PPM1H: variants seen among roughly 807,000 people sequenced by gnomAD.
PPM1H encodes the protein protein phosphatase 1H.
A neutral mutation model predicts 54.9 loss-of-function variants in PPM1H; 27 were observed. The observed-to-expected ratio is 0.49, with a 90% CI of 0.36 to 0.68. PPM1H has a LOEUF of 0.68. PPM1H is among the 30% of genes least tolerant of loss of function. The probability of loss-of-function intolerance (pLI) is 0.00; values close to 1 mark genes in which losing one functional copy is unlikely to be tolerated. For missense variants in PPM1H, 596 were observed against 667.8 expected (o/e 0.89, Z 1.19); for synonymous variants, 305 against 270.8 (o/e 1.13, Z -1.24).
intron 1 of PPM1H, among the ~76,000 whole-genome samples, chr12:62,906,167 T>G (rs763047869): frequency 6.6e-6 from 1 of 152,218 alleles, no homozygotes; most frequent in African/African-American, 2.4e-5. Context: ...ATAAAGTTTC[T>G]GTAATTGTGG....
At position 62,759,884 on chromosome 12, in the gene PPM1H, G is replaced by C. The variant is rs2076497714; in HGVS notation, c.870-22298C>G. On this transcript the variant is annotated intron_variant, in intron 4 of 9. Transcript: ENST00000228705. ...CCCACCCTGTTTCCACTTTCCTGGG[G>C]GGCAAGCACCTCTCACCCCTTCTTC... Among the ~76,000 whole-genome samples the C allele has an allele frequency of 4.0e-5, 6 of 151,326 alleles. No individual in the cohort carries two copies. The South Asian group carries it at 1.0e-3, about 26-fold the overall frequency.
chr12:62,930,856 G>C (rs891495306), intron 1 of PPM1H, among the ~76,000 whole-genome samples: 1 of 152,044 alleles, frequency 6.6e-6, no homozygotes, highest in African/African-American at 2.4e-5. Context: ...ATGCTTTACA[G>C]AGCTTTACAA....
chr12:62,780,633 G>A (rs938382747), intron 4 of PPM1H, among the ~76,000 whole-genome samples: 10 of 152,168 alleles, frequency 6.6e-5, no homozygotes, highest in Admixed American at 6.5e-4. Context: ...CTTTTCAACA[G>A]GTGTGATACT....
chr12:62,859,376 A>G (rs1869515160), intron 1 of PPM1H, among the ~76,000 whole-genome samples: 2 of 152,234 alleles, frequency 1.3e-5, no homozygotes, highest in Non-Finnish European at 2.9e-5. Flanking sequence ...CCACAGGTAA[A>G]GCAAGATGCC....
At chr12:62,685,306 G>T (rs2076045357) in intron 8 of PPM1H, among the ~76,000 whole-genome samples, 2 of 152,026 alleles carry the variant, frequency 1.3e-5, no homozygotes, top group Non-Finnish European at 2.9e-5. Context: ...TGGCCCCCAA[G>T]GTCCCAAGAC....
At chr12:62,826,572 TA>T (rs1197473934) in intron 2 of PPM1H, among the ~76,000 whole-genome samples, 19 of 152,198 alleles carry the variant, frequency 1.2e-4, no homozygotes, top group African/African-American at 4.6e-4. Context: ...TTCTAACAAA[TA>T]AAAAATTCCT....
chr12:62,653,059 GCTTA>G (rs2075824411), intron 9 of PPM1H, among the ~76,000 whole-genome samples: 1 of 152,122 alleles, frequency 6.6e-6, no homozygotes, highest in South Asian at 2.1e-4. Flanking sequence ...ACATTATTCT[GCTTA>G]CTTCTGACTT....
chr12:62,767,363 C>A (rs337522), intron 4 of PPM1H, among the ~76,000 whole-genome samples: 1 of 152,300 alleles, frequency 6.6e-6, no homozygotes, highest in East Asian at 1.9e-4. Flanking sequence ...TCCTAGAGGC[C>A]GAGCAGAGAG....
chr12:62,820,482 C>G (rs1486252876), intron 2 of PPM1H, among the ~76,000 whole-genome samples: 2 of 152,204 alleles, frequency 1.3e-5, no homozygotes, highest in Non-Finnish European at 2.9e-5. Flanking sequence ...AACTGGGAGG[C>G]ACCTCCCATT....
intron 1 of PPM1H, among the ~76,000 whole-genome samples, chr12:62,879,764 T>C (rs1319873746): frequency 2.0e-5 from 3 of 151,830 alleles, no homozygotes; most frequent in Non-Finnish European, 4.4e-5. Flanking sequence ...AGTATAATAA[T>C]AATAATAAAA....
intron 4 of PPM1H, among the ~76,000 whole-genome samples, chr12:62,785,981 G>A (rs923146538): frequency 1.3e-5 from 2 of 152,182 alleles, no homozygotes; most frequent in Non-Finnish European, 2.9e-5. Context: ...GTCATCTGGT[G>A]AAAGGCACTT....
intron 2 of PPM1H, among the ~76,000 whole-genome samples, chr12:62,831,815 GTA>G (rs964978239): frequency 2.1e-4 from 32 of 149,280 alleles, no homozygotes; most frequent in East Asian, 1.4e-3. Flanking sequence ...ATATATATGT[GTA>G]TATATATATA....
chr12:62,855,019 T>C (rs1026616496), intron 1 of PPM1H, among the ~76,000 whole-genome samples: 1 of 152,108 alleles, frequency 6.6e-6, no homozygotes, highest in Non-Finnish European at 1.5e-5. Flanking sequence ...AACCAGCCAC[T>C]TTCCAGAGTC....
chr12:62,675,029 C>T (rs943646401), intron 8 of PPM1H, among the ~76,000 whole-genome samples: 30 of 152,328 alleles, frequency 2.0e-4, no homozygotes, highest in African/African-American at 7.2e-4. Flanking sequence ...GACTTCAGAA[C>T]ATTGGGCTGC....
chr12:62,777,521 A>G (rs2076618102), intron 4 of PPM1H, among the ~76,000 whole-genome samples: 1 of 152,234 alleles, frequency 6.6e-6, no homozygotes, highest in Non-Finnish European at 1.5e-5. Context: ...CTAACTATGT[A>G]ATATATGCAC....
At chr12:62,757,092 A>C (rs1277071807) in intron 4 of PPM1H, among the ~76,000 whole-genome samples, 1 of 152,256 alleles carries the variant, frequency 6.6e-6, no homozygotes, top group East Asian at 1.9e-4. Flanking sequence ...ATGGCCAAAG[A>C]GGCACTGAGA....
At chr12:62,931,427 C>G (rs1245690202) in intron 1 of PPM1H, among the ~76,000 whole-genome samples, 2 of 152,234 alleles carry the variant, frequency 1.3e-5, no homozygotes, top group African/African-American at 4.8e-5. Flanking sequence ...ACTTGTCTTT[C>G]TCTTTCCTTC....
At chr12:62,801,323 C>CT (rs11366160) in intron 3 of PPM1H, among the ~76,000 whole-genome samples, 602 of 147,618 alleles carry the variant, frequency 4.1e-3, no homozygotes, top group Non-Finnish European at 5.6e-3. Flanking sequence ...TCTTCTTTTA[C>CT]TTTTTTTTTT....
chr12:62,889,930 C>T (rs1870725357), intron 1 of PPM1H, among the ~76,000 whole-genome samples: 1 of 152,124 alleles, frequency 6.6e-6, no homozygotes, highest in South Asian at 2.1e-4. Context: ...ATAAGCTAGA[C>T]TTTATTAAAA....
Sources: allele counts gnomAD v4.1 joint callset (sites outside exome capture counted in the v4.1 genomes callset), GRCh38; gene constraint gnomAD v4.1.1; transcripts MANE v1.5; gene names NCBI Gene and HGNC (gene_info 2026-07-23, HGNC 2026-07-21).